The following DIXDC1 variants were observed in gnomAD, a reference collection of about 807,000 sequenced individuals.
The protein encoded by DIXDC1 is DIX domain containing 1.
A neutral mutation model predicts 103.1 loss-of-function variants in DIXDC1; 64 were observed. That is an observed-to-expected ratio of 0.62 (90% confidence interval 0.51 to 0.76). The LOEUF (loss-of-function observed/expected upper bound fraction) is 0.76. Among genes scored for constraint, DIXDC1 ranks in the 30% least tolerant of loss-of-function variants. The probability of loss-of-function intolerance (pLI) is 0.00; values close to 1 mark genes in which losing one functional copy is unlikely to be tolerated. For synonymous variants in DIXDC1, 266 were observed against 298.5 expected, an observed-to-expected ratio of 0.89 and a Z score of 1.12; for missense variants, 759 against 834.2, an observed-to-expected ratio of 0.91 and a Z score of 1.11.
intron 17 of DIXDC1, among the ~76,000 whole-genome samples, chr11:112,011,641 A>G (rs1480661701): frequency 6.6e-6 from 1 of 152,244 alleles, no homozygotes; most frequent in Non-Finnish European, 1.5e-5. Flanking sequence ...GGATGAGTTC[A>G]TGTCCTTTGC....
In DIXDC1 at chr11:111,974,007, C is replaced by G; in HGVS notation, c.317-16C>G. 2 of 1,612,152 alleles carry G rather than the reference C, an allele frequency of 1.2e-6. No individual in the cohort carries two copies. Among genetic ancestry groups the G allele is most frequent in the Non-Finnish European group, 1.7e-6 (2 of 1,178,880 alleles). On this transcript the variant is annotated splice_polypyrimidine_tract_variant and intron_variant, in intron 3 of 19. Transcript: ENST00000440460. The stretch of plus-strand genomic sequence containing the variant: ...CCTCTTGGTCTGTTTTATTCTTGGT[C>G]CGTTTTATCCTTCAGATATTGTGGA...
At chr11:111,989,627 A>G (rs1860627959) in intron 10 of DIXDC1, among the ~76,000 whole-genome samples, 1 of 148,980 alleles carries the variant, frequency 6.7e-6, no homozygotes, top group Non-Finnish European at 1.5e-5. Flanking sequence ...CCGTCTCGGA[A>G]AAAAAAAAAA....
chr11:111,995,839 CCCT>C (rs1442375691), intron 16 of DIXDC1, among the ~76,000 whole-genome samples: 2 of 152,130 alleles, frequency 1.3e-5, no homozygotes, highest in East Asian at 1.9e-4. Flanking sequence ...ACGCTTCTTC[CCCT>C]CCCACCTACC....
At chr11:111,934,306 G>A (rs1966128286), upstream of DIXDC1, among the ~76,000 whole-genome samples, 1 of 152,152 alleles carries the variant, frequency 6.6e-6, no homozygotes, top group Admixed American at 6.5e-5. Context: ...ATAGATATTT[G>A]GGTAGCTTTT....
intron 8 of DIXDC1, among the ~76,000 whole-genome samples, chr11:111,985,703 A>G (rs1346106782): frequency 2.6e-5 from 4 of 152,052 alleles, no homozygotes; most frequent in African/African-American, 9.7e-5. Flanking sequence ...GGGCGGTAGT[A>G]TCTGCCTCCA....
At chr11:111,982,278 G>A (rs1357454147) in intron 6 of DIXDC1, 61 bp from the exon 7 acceptor site, 17 of 1,564,980 alleles carry the variant, frequency 1.1e-5, no homozygotes, top group Non-Finnish European at 1.5e-5. Context: ...CCCTGTGAAC[G>A]CTGTCTGCTG....
chr11:111,968,672 A>G, intron 3 of DIXDC1, 34 bp downstream of exon 3: 1 of 1,593,740 alleles, frequency 6.3e-7, no homozygotes, highest in Non-Finnish European at 8.6e-7. Context: ...GTGCATGAGT[A>G]TACTTTAACC....
rs1860029874 is a variant in DIXDC1, at chr11:111,974,337, AC to A, written c.548+84del. ...AGATGATACAGTGCAGTAGATAGAA[AC>A]GTCACCCAAACAGCCCCAGATTGCA... On this transcript the variant is annotated intron_variant, in intron 4 of 19. Transcript: ENST00000440460. The A allele has an allele frequency of 3.0e-6, 4 of 1,344,936 alleles. No individual in the cohort carries two copies. In the South Asian group the frequency reaches 5.7e-5, roughly 19 times the overall value. 83.3% of individuals were successfully genotyped at this position (1,344,936 alleles called of 1,614,324 possible).
chr11:111,971,657 A>T (rs1043890417), intron 3 of DIXDC1, among the ~76,000 whole-genome samples: 1 of 152,194 alleles, frequency 6.6e-6, no homozygotes, highest in Non-Finnish European at 1.5e-5. Flanking sequence ...CGCCATTCAC[A>T]ATAGCAAAAA....
chr11:111,983,734 A>G (rs982256922), intron 7 of DIXDC1, among the ~76,000 whole-genome samples: 2 of 152,246 alleles, frequency 1.3e-5, no homozygotes, highest in African/African-American at 2.4e-5. Context: ...AGACAGAAAA[A>G]GAAGAGAAAT....
At chr11:111,938,857 G>A (rs1555168528) in intron 1 of DIXDC1, among the ~76,000 whole-genome samples, 2 of 152,308 alleles carry the variant, frequency 1.3e-5, no homozygotes, top group Middle Eastern at 3.4e-3. Flanking sequence ...TCACTGAAGG[G>A]CGGAGCTTGC....
At chr11:111,948,433 G>A (rs1487535363) in intron 1 of DIXDC1, among the ~76,000 whole-genome samples, 4 of 151,944 alleles carry the variant, frequency 2.6e-5, no homozygotes, top group Non-Finnish European at 5.9e-5. Flanking sequence ...TCAACACCAC[G>A]CTTACTTCCT....
chr11:111,929,356 G>C (rs1965940144), intron 1 of DIXDC1, among the ~76,000 whole-genome samples: 1 of 152,122 alleles, frequency 6.6e-6, no homozygotes, highest in African/African-American at 2.4e-5. Flanking sequence ...ATTGTTGCTT[G>C]ACTAACGATA....
intron 6 of DIXDC1, 87 bp from the exon 7 acceptor site, chr11:111,982,252 G>T: frequency 6.9e-7 from 1 of 1,459,204 alleles, no homozygotes; most frequent in South Asian, 1.4e-5. Context: ...CAGGTGACCT[G>T]AACCTGTGAA....
chr11:111,928,041 G>C (rs1555167233), intron 1 of DIXDC1, among the ~76,000 whole-genome samples: 1 of 142,824 alleles, frequency 7.0e-6, no homozygotes, highest in Non-Finnish European at 1.5e-5. Flanking sequence ...AAAAAAAATA[G>C]TATTAGCCCC....
chr11:111,980,119 C>T (rs2137547251), intron 5 of DIXDC1, among the ~76,000 whole-genome samples: 1 of 152,244 alleles, frequency 6.6e-6, no homozygotes, highest in Non-Finnish European at 1.5e-5. Context: ...TATTATCTTC[C>T]CCTTGTCATG....
chr11:111,983,849 G>C (rs1311387260), intron 7 of DIXDC1, among the ~76,000 whole-genome samples: 2 of 152,142 alleles, frequency 1.3e-5, no homozygotes, highest in Non-Finnish European at 2.9e-5. Context: ...GAATACAAAA[G>C]GGCTCACAGC....
chr11:112,000,014 T>TA (rs1861018442), intron 17 of DIXDC1, among the ~76,000 whole-genome samples: 1 of 152,234 alleles, frequency 6.6e-6, no homozygotes, highest in South Asian at 2.1e-4. Context: ...CAGGAGTCTG[T>TA]AATCCCAGCT....
chr11:112,019,397 CTG>C lies in DIXDC1; in HGVS notation c.*367_*368del. 1 of 162,652 alleles carries C rather than the reference CTG, an allele frequency of 6.1e-6. No homozygotes were observed. Among genetic ancestry groups the C allele is most frequent in the Non-Finnish European group, 1.4e-5 (1 of 74,072 alleles). The allele number at this position is 162,652 out of a possible 1,614,324, so 10.1% of individuals were successfully genotyped here. A position where few individuals can be genotyped will look rare whatever the true frequency, so the allele number is the denominator to read the frequency against. The stretch of plus-strand genomic sequence containing the variant: ...AAATTAGGAATTGGATGCATCATTC[CTG>C]TGTGTTACAGTATTATTTTAATTGG... On this transcript the variant is annotated 3_prime_UTR_variant, in exon 20 of 20. Coordinates refer to ENST00000440460, the MANE Select transcript of DIXDC1 (RefSeq NM_001037954.4).
Sources: allele counts gnomAD v4.1 joint callset (sites outside exome capture counted in the v4.1 genomes callset), GRCh38; gene constraint gnomAD v4.1.1; transcripts MANE v1.5; gene names NCBI Gene and HGNC (gene_info 2026-07-23, HGNC 2026-07-21).